IFT122: variants seen among roughly 807,000 people sequenced by gnomAD.
IFT122 encodes intraflagellar transport 122.
In IFT122, 118 loss-of-function variants were observed where a neutral mutation model predicts 161.6. The ratio of observed to expected loss-of-function variants is 0.73; its 90% CI spans 0.63 to 0.85. The LOEUF (loss-of-function observed/expected upper bound fraction) is 0.85, where lower values mean the gene tolerates loss of function less well. IFT122 is among the 40% of genes least tolerant of loss of function. The pLI, the probability that IFT122 is intolerant of heterozygous loss-of-function variation, is 0.00. For missense variants in IFT122, 1,381 were observed against 1,579.6 expected, an observed-to-expected ratio of 0.87 and a Z score of 2.13; for synonymous variants, 550 against 602.4, an observed-to-expected ratio of 0.91 and a Z score of 1.27.
chr3:129,472,750 C>G (rs1411356439), intron 9 of IFT122, among the ~76,000 whole-genome samples: 1 of 152,072 alleles, frequency 6.6e-6, no homozygotes, highest in East Asian at 1.9e-4. Context: ...GTCATCGAGG[C>G]CCTGTTATTA....
chr3:129,502,036 C>T (rs2081616150), intron 19 of IFT122, among the ~76,000 whole-genome samples: 1 of 152,156 alleles, frequency 6.6e-6, no homozygotes, highest in South Asian at 2.1e-4. Context: ...CCTCATGTCC[C>T]CATGAGTGAT....
In IFT122 at chr3:129,511,237, G is replaced by A. The variant is rs773272972; in HGVS notation, c.2887-1075G>A. Among the ~76,000 whole-genome samples, 10 of 152,366 alleles carry A rather than the reference G, an allele frequency of 6.6e-5. No homozygotes were observed. The East Asian group carries it at 9.6e-4, about 15-fold the overall frequency. Reference sequence around the variant, plus strand: ...TTACTTAGCTTCCCTACCTAGTGCAGTAGAACCACAGGCAGAGTTCATCTT... The same window carrying A: ...TTACTTAGCTTCCCTACCTAGTGCAATAGAACCACAGGCAGAGTTCATCTT... On this transcript the variant is annotated intron_variant, in intron 23 of 29. Coordinates refer to ENST00000348417, the MANE Select transcript of IFT122 (RefSeq NM_052989.3).
chr3:129,472,265 C>T (rs1050699188), intron 9 of IFT122, among the ~76,000 whole-genome samples: 2 of 152,052 alleles, frequency 1.3e-5, no homozygotes, highest in Non-Finnish European at 2.9e-5. Flanking sequence ...GGAATCTTCC[C>T]ACTTTGGCCT....
intron 26 of IFT122, among the ~76,000 whole-genome samples, chr3:129,516,317 C>CCCTGCACACACACAGAGACCGCT (rs2083587868): frequency 8.0e-6 from 1 of 124,240 alleles, no homozygotes; most frequent in Admixed American, 7.9e-5. Flanking sequence ...CAGAGACTGC[C>CCCTGCACACACACAGAGACCGCT]CCTGCACACA....
At chr3:129,450,020 T>TG in intron 2 of IFT122, 83 bp downstream of exon 2, 1 of 938,538 alleles carries the variant, frequency 1.1e-6, no homozygotes, top group South Asian at 1.3e-5. Context: ...CCTTTTTTTT[T>TG]TTTTTTGAGA....
intron 20 of IFT122, chr3:129,504,013 A>G (rs1045708215): frequency 7.6e-6 from 3 of 392,928 alleles, no homozygotes; most frequent in African/African-American, 6.2e-5. Flanking sequence ...TGTTTGCAGC[A>G]CTACAGGAGC....
chr3:129,478,318 AAAC>A, intron 12 of IFT122, 100 bp downstream of exon 12: 1 of 963,258 alleles, frequency 1.0e-6, no homozygotes. Context: ...GGTCACTAGA[AAAC>A]AAGTCTGTTC....
chr3:129,458,552 C>G, intron 3 of IFT122, 47 bp from the exon 4 acceptor site: 1 of 1,471,088 alleles, frequency 6.8e-7, no homozygotes, highest in Non-Finnish European at 9.5e-7. Context: ...CTGGGAAATG[C>G]TGGTTTAAGA....
intron 21 of IFT122, 132 bp downstream of exon 21, chr3:129,504,553 T>A: frequency 2.6e-6 from 2 of 772,280 alleles, no homozygotes; most frequent in Non-Finnish European, 2.3e-6. Flanking sequence ...GGGGATGTGA[T>A]TGTTTGGTGG....
rs1453810278 is a variant in IFT122, at chr3:129,520,487, G to C, written c.*222G>C. On this transcript the variant is annotated 3_prime_UTR_variant, in exon 30 of 30. Transcript: ENST00000348417. ...AGAGAATGTACATATATTTTCTAAG[G>C]AAAAAAATCTGTTACTTTCAGAACG... The C allele has an allele frequency of 8.2e-6, 5 of 607,012 alleles. No homozygotes were observed. The East Asian group carries it at 1.4e-4, about 17-fold the overall frequency. The allele number at this position is 607,012 out of a possible 1,614,324, so 37.6% of individuals were successfully genotyped here. A position where few individuals can be genotyped will look rare whatever the true frequency, so the allele number is the denominator to read the frequency against.
intron 1 of IFT122, among the ~76,000 whole-genome samples, chr3:129,446,039 GT>G (rs1244504958): frequency 6.6e-6 from 1 of 152,076 alleles, no homozygotes; most frequent in Non-Finnish European, 1.5e-5. Context: ...GGAAATGGGG[GT>G]CAAACATGCC....
chr3:129,454,911 C>T (rs2075294745), intron 3 of IFT122, among the ~76,000 whole-genome samples: 1 of 152,146 alleles, frequency 6.6e-6, no homozygotes, highest in Non-Finnish European at 1.5e-5. Flanking sequence ...CTTATCTCCG[C>T]TCAAAGATGA....
Position 129,519,602 on chromosome 3 carries a change from G to A in IFT122, c.3506G>A (p.Ser1169Asn), listed in dbSNP as rs372561450. 3.1e-6 allele frequency: 5 copies of A among 1,613,572 alleles called. No individual in the cohort carries two copies. In the East Asian group the frequency reaches 1.1e-4, roughly 36 times the overall value. Reference protein sequence around the residue: ...GGSEFVPVVVSRLVLRSMSRR... With the variant: ...GGSEFVPVVVNRLVLRSMSRR... ...TCAGAGTTCGTGCCAGTGGTGGTGA[G>A]CCGGCTGGTGCTGCGCTCCATGAGC... The change falls in exon 29 of 30, where the codon AGC (serine) becomes AAC (asparagine). Residue 1169 changes from serine to asparagine, a missense_variant. By Grantham distance (46) the Ser-to-Asn change is conservative. Around this residue, in one of 7 missense-constraint regions of IFT122, gnomAD observed 177 missense variants for 199.2 expected, o/e 0.89. Transcript: ENST00000348417.
chr3:129,507,613 G>A, intron 22 of IFT122, 55 bp from the exon 23 acceptor site: 2 of 1,402,452 alleles, frequency 1.4e-6, no homozygotes, highest in South Asian at 2.3e-5. Context: ...GGGGCCAGTT[G>A]GCAGCCACAG....
At chr3:129,514,261 C>T (rs566761808) in intron 24 of IFT122, 128 bp from the exon 25 acceptor site, 72 of 1,003,342 alleles carry the variant, frequency 7.2e-5, no homozygotes, top group Non-Finnish European at 1.0e-4. Flanking sequence ...GCCTTCCTCA[C>T]GGTCTTTCCT....
At position 129,441,014 on chromosome 3, in the gene IFT122, A is replaced by G. The variant is rs1237807547; in HGVS notation, c.41+643A>G. On this transcript the variant is annotated intron_variant, in intron 1 of 29. Transcript: ENST00000348417. ...GATCAGAAAGGTGCTCAAAATGAGCACCAAACACAAGCTCTCCTAATTGGG... is the reference window on the plus strand; with the variant it reads ...GATCAGAAAGGTGCTCAAAATGAGCGCCAAACACAAGCTCTCCTAATTGGG... 6.1e-4 allele frequency among the ~76,000 whole-genome samples: 93 copies of G among 152,204 alleles called. 2 individuals are homozygous for G. The highest frequency in any genetic ancestry group is 4.4e-5 in the Non-Finnish European group (3 of 68,050).
intron 16 of IFT122, among the ~76,000 whole-genome samples, chr3:129,490,765 T>C (rs891245058): frequency 5.3e-5 from 8 of 152,172 alleles, no homozygotes; most frequent in Non-Finnish European, 1.0e-4. Flanking sequence ...GAAACCCAGA[T>C]CTAGAGGGTG....
intron 4 of IFT122, among the ~76,000 whole-genome samples, chr3:129,459,744 T>TCTTC (rs68095952): frequency 0.018 from 1,736 of 98,614 alleles, 44 homozygotes; most frequent in African/African-American, 0.022. Flanking sequence ...CTCCCTCCCT[T>TCTTC]CTTCCTTCCT....
At position 129,520,225 on chromosome 3, in the gene IFT122, G is replaced by A; in HGVS notation, c.3686G>A (p.Cys1229Tyr). 6.2e-7 allele frequency: 1 copy of A among 1,611,666 alleles called. No homozygotes were observed. The highest frequency in any genetic ancestry group is 8.5e-7 in the Non-Finnish European group (1 of 1,179,946). The change falls in exon 30 of 30, where the codon TGC becomes TAC. Residue 1229 changes from cysteine (C) to tyrosine (Y), a missense_variant. Physicochemically the swap from Cys to Tyr is radical, Grantham distance 194 (BLOSUM62 -2). Transcript: ENST00000348417. ...YELLVLQHGC[C>Y]PYCRRCKDDP... ...TTGCTGGTGCTTCAGCATGGCTGCT[G>A]CCCCTACTGCCGCAGGTGCAAGGAT...
Sources: allele counts gnomAD v4.1 joint callset (sites outside exome capture counted in the v4.1 genomes callset), GRCh38; gene constraint gnomAD v4.1.1; regional missense constraint gnomAD v4.1.1; transcripts MANE v1.5; gene names NCBI Gene and HGNC (gene_info 2026-07-23, HGNC 2026-07-21).